Variants in PGM2L1 observed in about 807,000 individuals in gnomAD.
The protein encoded by PGM2L1 is phosphoglucomutase 2 like 1.
In PGM2L1, 35 loss-of-function variants were observed where a neutral mutation model predicts 73.4. The observed-to-expected ratio is 0.48, with a 90% CI of 0.36 to 0.63. PGM2L1 has a LOEUF of 0.63. Ranked by LOEUF, PGM2L1 falls within the 30% of genes least tolerant of loss-of-function variation. PGM2L1 has a pLI of 0.00. For missense variants in PGM2L1, 570 were observed against 742.0 expected, an observed-to-expected ratio of 0.77 and a Z score of 2.69; for synonymous variants, 225 against 253.8, an observed-to-expected ratio of 0.89 and a Z score of 1.08.
intron 1 of PGM2L1, among the ~76,000 whole-genome samples, chr11:74,393,643 G>A (rs918087338): frequency 6.6e-6 from 1 of 152,060 alleles, no homozygotes; most frequent in African/African-American, 2.4e-5. Context: ...CTTTCTCAAC[G>A]CAGACCTACA....
rs1862272494 is a variant in PGM2L1, at chr11:74,346,733, TCTC to T, written c.1033_1035del (p.Glu345del). 2 of 1,611,342 alleles carry T rather than the reference TCTC, an allele frequency of 1.2e-6. No individual in the cohort carries two copies. The highest frequency in any genetic ancestry group is 1.7e-6 in the Non-Finnish European group (2 of 1,177,488). ...AATCAAATAACAGATTCTACATACT[TCTC>T]CTGAAGTTCTGCTGCTGCCAGTCTG... On this transcript the variant is annotated inframe_deletion and splice_region_variant, in exon 8 of 14. Coordinates refer to ENST00000298198, the MANE Select transcript of PGM2L1 (RefSeq NM_173582.6).
chr11:74,369,231 CAT>C lies in PGM2L1; in HGVS notation c.472-658_472-657del, dbSNP rs145252016. Among the ~76,000 whole-genome samples the C allele has an allele frequency of 4.0e-3, 606 of 152,294 alleles. 6 individuals are homozygous for C. The highest frequency in any genetic ancestry group is 0.014 in the African/African-American group (573 of 41,572). On this transcript the variant is annotated intron_variant, in intron 4 of 13. Coordinates refer to ENST00000298198, the MANE Select transcript of PGM2L1 (RefSeq NM_173582.6). ...CTTAGCGCTCACACAAACTGCAAAA[CAT>C]GTGGCTCTATTGCCTCCTTTTCTCC...
At chr11:74,396,604 C>T (rs1221722137) in intron 1 of PGM2L1, among the ~76,000 whole-genome samples, 1 of 152,042 alleles carries the variant, frequency 6.6e-6, no homozygotes, top group Non-Finnish European at 1.5e-5. Context: ...TTAGTAGAGA[C>T]GGGGTTTCAC....
At chr11:74,378,051 C>T (rs1862882638) in intron 1 of PGM2L1, among the ~76,000 whole-genome samples, 2 of 152,118 alleles carry the variant, frequency 1.3e-5, no homozygotes, top group African/African-American at 4.8e-5. Flanking sequence ...CCTGTAATCC[C>T]AGCACTTTGG....
intron 9 of PGM2L1, among the ~76,000 whole-genome samples, chr11:74,345,042 T>C (rs1202610980): frequency 6.6e-6 from 1 of 152,158 alleles, no homozygotes; most frequent in Admixed American, 6.5e-5. Flanking sequence ...TTTTTGGATG[T>C]AGGATCATTG....
Position 74,351,566 on chromosome 11 carries a change from T to C in PGM2L1, c.566A>G (p.Glu189Gly). The C allele has an allele frequency of 6.2e-7, 1 of 1,600,162 alleles. No homozygotes were observed. The highest frequency in any genetic ancestry group is 8.5e-7 in the Non-Finnish European group (1 of 1,174,738). The change falls in exon 6 of 14, where the codon GAA becomes GGA. Residue 189 changes from glutamate (E) to glycine (G), a missense_variant. Physicochemically the swap from Glu to Gly is moderately conservative, Grantham distance 98. Transcript: ENST00000298198. ...KEDNGYKVYW[E>G]TGAQITSPHD... Reference sequence around the variant, plus strand: ...AGGAGATGTGATCTGAGCACCAGTTTCCCAGTAAACCTAGATGATAAGTAA... The same window carrying C: ...AGGAGATGTGATCTGAGCACCAGTTCCCCAGTAAACCTAGATGATAAGTAA...
At chr11:74,354,522 A>G (rs1430048673) in intron 5 of PGM2L1, 3 of 1,260,078 alleles carry the variant, frequency 2.4e-6, no homozygotes, top group Non-Finnish European at 3.4e-6. Flanking sequence ...GAAACAACCG[A>G]TGAGAGCCTG....
Position 74,355,069 on chromosome 11 carries a change from G to C in PGM2L1, c.556-3493C>G, listed in dbSNP as rs1194294403. 1.4e-5 allele frequency: 18 copies of C among 1,276,874 alleles called. No individual in the cohort carries two copies. The South Asian group carries it at 2.1e-4, about 15-fold the overall frequency. The allele number at this position is 1,276,874 out of a possible 1,614,324, so 79.1% of individuals were successfully genotyped here. ...GGAAACTTTGGTGGTGGTCGTGGAG[G>C]TGGTTTTGGTGGGAAGGACAACTTT... On this transcript the variant is annotated intron_variant, in intron 5 of 13. Transcript: ENST00000298198.
chr11:74,341,125 C>T (rs1862175869), intron 12 of PGM2L1, among the ~76,000 whole-genome samples: 1 of 151,256 alleles, frequency 6.6e-6, no homozygotes, highest in Non-Finnish European at 1.5e-5. Context: ...TCTGCCCCCA[C>T]CTCCATTCCA....
Position 74,345,497 on chromosome 11 carries a change from ATT to A in PGM2L1, c.1188_1189del (p.Ile397CysfsTer3). 1 of 1,612,558 alleles carries A rather than the reference ATT, an allele frequency of 6.2e-7. No individual in the cohort carries two copies. The highest frequency in any genetic ancestry group is 8.5e-7 in the Non-Finnish European group (1 of 1,178,908). On this transcript the variant is annotated frameshift_variant, in exon 9 of 14. Transcript: ENST00000298198. LOFTEE classifies it high-confidence loss of function. ...AAAATGAAATCCTTCTTTAAGTGCA[ATT>A]GCCTTCAGAATTTTAGAAGAGACTG...
rs199926066 is a variant in PGM2L1 at position 74,371,741 on chromosome 11, C to A, written c.356G>T (p.Gly119Val). 371 of 1,613,756 alleles carry A rather than the reference C, an allele frequency of 2.3e-4. No individual in the cohort carries two copies. The highest frequency in any genetic ancestry group is 8.2e-4 in the Middle Eastern group (5 of 6,084). ...GCTGCTGCAGCTGCTAGTTACTTGA[C>A]CCCGAGTGTCATACCCAACCACAAA... ...RGFVVGYDTR[G>V]QVTSSCSSQR... The change falls in exon 3 of 14, where the codon GGT becomes GTT. Residue 119 changes from glycine (G) to valine (V), a missense_variant. Coordinates refer to ENST00000298198, the MANE Select transcript of PGM2L1 (RefSeq NM_173582.6).
intron 8 of PGM2L1, among the ~76,000 whole-genome samples, chr11:74,345,876 T>G (rs993523829): frequency 1.3e-5 from 2 of 152,212 alleles, no homozygotes; most frequent in Non-Finnish European, 2.9e-5. Flanking sequence ...ACATTTATTC[T>G]TTTACTTAAT....
chr11:74,358,090 G>T (rs1322767976), intron 5 of PGM2L1, among the ~76,000 whole-genome samples: 1 of 152,174 alleles, frequency 6.6e-6, no homozygotes, highest in African/African-American at 2.4e-5. Context: ...CTATAATGGT[G>T]GATACGTGTC....
chr11:74,339,628 T>C (rs1862154024), intron 12 of PGM2L1, among the ~76,000 whole-genome samples: 1 of 152,200 alleles, frequency 6.6e-6, no homozygotes, highest in Non-Finnish European at 1.5e-5. Context: ...TGCTCCTATA[T>C]TGAATTCAGG....
In PGM2L1 at chr11:74,332,100, A is replaced by G. The variant is rs1217694651; in HGVS notation, c.*4552T>C. 6.6e-6 allele frequency: 1 copy of G among 152,200 alleles called. No individual in the cohort carries two copies. The highest frequency in any genetic ancestry group is 1.9e-4 in the East Asian group (1 of 5,200). The allele number at this position is 152,200 out of a possible 1,614,324, so 9.4% of individuals were successfully genotyped here. The stretch of plus-strand genomic sequence containing the variant: ...TGTGCAAGGAGTCAGACAATGAGCA[A>G]TTCTCATCTTACTATTTATACCTCT... On this transcript the variant is annotated 3_prime_UTR_variant, in exon 14 of 14. Transcript: ENST00000298198.
At chr11:74,382,601 C>T (rs939679793) in intron 1 of PGM2L1, among the ~76,000 whole-genome samples, 1 of 152,156 alleles carries the variant, frequency 6.6e-6, no homozygotes, top group African/African-American at 2.4e-5. Flanking sequence ...CAGGCTCAAG[C>T]AATCTTCCTA....
At chr11:74,387,295 CCTT>C (rs1472370532) in intron 1 of PGM2L1, among the ~76,000 whole-genome samples, 1 of 151,832 alleles carries the variant, frequency 6.6e-6, no homozygotes, top group Non-Finnish European at 1.5e-5. Flanking sequence ...GAGTTTGAAA[CCTT>C]CTTGGATTCA....
chr11:74,387,482 C>G (rs1863033765), intron 1 of PGM2L1, among the ~76,000 whole-genome samples: 1 of 152,176 alleles, frequency 6.6e-6, no homozygotes, highest in Admixed American at 6.5e-5. Flanking sequence ...TTTCCTTCAC[C>G]TATACTTACT....
At chr11:74,343,641 T>C (rs1862217408) in intron 9 of PGM2L1, among the ~76,000 whole-genome samples, 1 of 152,182 alleles carries the variant, frequency 6.6e-6, no homozygotes, top group African/African-American at 2.4e-5. Context: ...CTAGGTGATT[T>C]ACACCAAATA....
Sources: allele counts gnomAD v4.1 joint callset (sites outside exome capture counted in the v4.1 genomes callset), GRCh38; gene constraint gnomAD v4.1.1; transcripts MANE v1.5; gene names NCBI Gene and HGNC (gene_info 2026-07-23, HGNC 2026-07-21).